CD247: variants seen among roughly 807,000 people sequenced by gnomAD.
CD247 encodes T-cell surface glycoprotein CD3 zeta chain.
In CD247, 13 loss-of-function variants were observed where a neutral mutation model predicts 30.0. The observed-to-expected ratio is 0.43, with a 90% CI of 0.28 to 0.69. The LOEUF is 0.69. CD247 is among the 30% of genes least tolerant of loss of function. The pLI, the probability that CD247 is intolerant of heterozygous loss-of-function variation, is 0.16. For missense variants in CD247, 193 were observed against 212.6 expected (o/e 0.91, Z 0.57); for synonymous variants, 72 against 80.0 (o/e 0.90, Z 0.53).
At chr1:167,505,705 G>A (rs1019156686) in intron 1 of CD247, among the ~76,000 whole-genome samples, 1 of 152,262 alleles carries the variant, frequency 6.6e-6, no homozygotes, top group African/African-American at 2.4e-5. Flanking sequence ...ACCAAGGTAG[G>A]CTTCTCAGCA....
chr1:167,437,719 G>A (rs1260764733), intron 4 of CD247, among the ~76,000 whole-genome samples: 2 of 152,182 alleles, frequency 1.3e-5, no homozygotes, highest in African/African-American at 4.8e-5. Context: ...CTGGGGAATG[G>A]GGGGAATGGG....
chr1:167,517,799 C>T (rs565746591), intron 1 of CD247, among the ~76,000 whole-genome samples: 3 of 152,304 alleles, frequency 2.0e-5, no homozygotes, highest in Admixed American at 6.5e-5. Flanking sequence ...TAGACACGGA[C>T]GCTTGGCCAT....
At chr1:167,515,245 T>C (rs1655552576) in intron 1 of CD247, among the ~76,000 whole-genome samples, 1 of 152,188 alleles carries the variant, frequency 6.6e-6, no homozygotes, top group Admixed American at 6.5e-5. Context: ...TAGCAAAGAT[T>C]TAGTGTTCAA....
At chr1:167,453,234 T>C (rs1156520669) in intron 1 of CD247, among the ~76,000 whole-genome samples, 2 of 152,204 alleles carry the variant, frequency 1.3e-5, no homozygotes, top group Non-Finnish European at 2.9e-5. Context: ...CTAACAACAA[T>C]TGAGTGAGGT....
chr1:167,498,272 C>T (rs1172135500), intron 1 of CD247, among the ~76,000 whole-genome samples: 1 of 152,236 alleles, frequency 6.6e-6, no homozygotes, highest in Non-Finnish European at 1.5e-5. Flanking sequence ...CCAACAATGC[C>T]TTGACATCCT....
At position 167,474,752 on chromosome 1, in the gene CD247, C is replaced by CTT. The variant is rs1175876563; in HGVS notation, c.59-33987_59-33986dup. 1.3e-3 allele frequency among the ~76,000 whole-genome samples: 164 copies of CTT among 123,278 alleles called. 1 individual carries two copies. Among genetic ancestry groups the CTT allele is most frequent in the Middle Eastern group, 0.013 (3 of 226 alleles). The allele number at this position is 123,278 out of a possible 152,430, so 80.9% of individuals were successfully genotyped here. ...AACGACTGCCATGGGTTAAAACTGTCTTTTTTTTTTTTTTTTTTTTTGACG... is the reference window on the plus strand; with the variant it reads ...AACGACTGCCATGGGTTAAAACTGTCTTTTTTTTTTTTTTTTTTTTTTTGACG... On this transcript the variant is annotated intron_variant, in intron 1 of 7. Transcript: ENST00000362089.
Position 167,431,348 on chromosome 1 carries a change from CAA to C in CD247, c.*331_*332del. Reference sequence around the variant, plus strand: ...ATCTGCGCTTTCTCTGGGGACTTTACAAAACAGACTCAACAACTCAGCTGTGA... The same window carrying C: ...ATCTGCGCTTTCTCTGGGGACTTTACAACAGACTCAACAACTCAGCTGTGA... On this transcript the variant is annotated 3_prime_UTR_variant, in exon 8 of 8. Transcript: ENST00000362089. The C allele has an allele frequency of 1.7e-6, 1 of 594,804 alleles. No homozygotes were observed. The highest frequency in any genetic ancestry group is 3.0e-6 in the Non-Finnish European group (1 of 334,846). The allele number at this position is 594,804 out of a possible 1,614,324, so 36.8% of individuals were successfully genotyped here. A position where few individuals can be genotyped will look rare whatever the true frequency, so the allele number is the denominator to read the frequency against.
At chr1:167,515,144 G>C (rs1655547828) in intron 1 of CD247, among the ~76,000 whole-genome samples, 1 of 152,132 alleles carries the variant, frequency 6.6e-6, no homozygotes, top group Non-Finnish European at 1.5e-5. Flanking sequence ...CGATTGGAGG[G>C]CGAAACAATC....
At chr1:167,439,875 C>T (rs35971890) in intron 2 of CD247, 157 of 177,106 alleles carry the variant, frequency 8.9e-4, no homozygotes, top group African/African-American at 3.7e-3. Flanking sequence ...CCCGGCTGCC[C>T]CGGTGCCCAG....
intron 1 of CD247, among the ~76,000 whole-genome samples, chr1:167,472,072 G>T (rs1186310840): frequency 6.6e-6 from 1 of 152,014 alleles, no homozygotes; most frequent in African/African-American, 2.4e-5. Flanking sequence ...GACCTCAGGT[G>T]ATCCACTCGC....
At chr1:167,511,108 T>G (rs531066141) in intron 1 of CD247, among the ~76,000 whole-genome samples, 13 of 152,314 alleles carry the variant, frequency 8.5e-5, no homozygotes, top group African/African-American at 2.9e-4. Context: ...TAATTGTGAA[T>G]AGATTATAGA....
chr1:167,471,037 A>C (rs1653501721), intron 1 of CD247, among the ~76,000 whole-genome samples: 1 of 151,838 alleles, frequency 6.6e-6, no homozygotes, highest in African/African-American at 2.4e-5. Context: ...ACGCCCGGCT[A>C]ATTTTTTATA....
At chr1:167,439,249 C>A in intron 3 of CD247, 95 bp downstream of exon 3, 2 of 1,176,432 alleles carry the variant, frequency 1.7e-6, no homozygotes, top group South Asian at 1.2e-5. Flanking sequence ...AGCTAGGGAC[C>A]AAACCTAAAC....
chr1:167,518,424 T>G lies in CD247; in HGVS notation c.42A>C (p.Ala14=). The stretch of plus-strand genomic sequence containing the variant: ...CGGCCCTACCTGTAATCGGCAACTG[T>G]GCCTGCAGGATGGCCGCGGTGAAAA... ...KALFTAAILQ[A]QLPITEAQSF... Residue 14 remains alanine (A), a synonymous_variant, in exon 1 of 8, where the codon GCA becomes GCC. Coordinates refer to ENST00000362089, the MANE Select transcript of CD247 (RefSeq NM_198053.3). The G allele has an allele frequency of 6.2e-7, 1 of 1,614,214 alleles. No individual in the cohort carries two copies. The highest frequency in any genetic ancestry group is 8.5e-7 in the Non-Finnish European group (1 of 1,180,034).
intron 1 of CD247, among the ~76,000 whole-genome samples, chr1:167,465,334 T>C (rs967955079): frequency 2.0e-5 from 3 of 146,356 alleles, no homozygotes; most frequent in African/African-American, 7.5e-5. Flanking sequence ...TTTCTTTTTT[T>C]TTTTTTTTTT....
intron 1 of CD247, chr1:167,459,923 C>T (rs1422565086): frequency 6.6e-6 from 1 of 152,168 alleles, no homozygotes; most frequent in Non-Finnish European, 1.5e-5. Flanking sequence ...TCTTCTTTGA[C>T]TCTTCACTCC....
intron 1 of CD247, among the ~76,000 whole-genome samples, chr1:167,444,589 C>T (rs1651984360): frequency 6.6e-6 from 1 of 152,174 alleles, no homozygotes; most frequent in Non-Finnish European, 1.5e-5. Flanking sequence ...ATCCACCGCC[C>T]TCTCCCCTGA....
chr1:167,433,974 G>A, intron 6 of CD247, 46 bp downstream of exon 6: 1 of 1,534,140 alleles, frequency 6.5e-7, no homozygotes, highest in Non-Finnish European at 9.0e-7. Flanking sequence ...CGTGTCTGGA[G>A]GACCAAGAGG....
chr1:167,435,548 G>T, intron 4 of CD247, 114 bp from the exon 5 acceptor site: 2 of 842,146 alleles, frequency 2.4e-6, no homozygotes, highest in Non-Finnish European at 4.1e-6. Context: ...TCTGCCGTCT[G>T]CCTCTCTCCT....
Sources: allele counts gnomAD v4.1 joint callset (sites outside exome capture counted in the v4.1 genomes callset), GRCh38; gene constraint gnomAD v4.1.1; transcripts MANE v1.5; gene names NCBI Gene and HGNC (gene_info 2026-07-23, HGNC 2026-07-21).